Variants in PRELID2 observed in about 807,000 individuals in gnomAD.
The protein encoded by PRELID2 is PRELI domain containing 2.
In PRELID2, 25 loss-of-function variants were observed where a neutral mutation model predicts 28.4. That is an observed-to-expected ratio of 0.88 (90% CI 0.64 to 1.23). PRELID2 has a LOEUF of 1.23. Among genes scored for constraint, PRELID2 ranks in the 50% most tolerant of loss-of-function variants. The probability of loss-of-function intolerance (pLI) is 0.00; values close to 1 mark genes in which losing one functional copy is unlikely to be tolerated. For synonymous variants in PRELID2, 76 were observed against 71.6 expected, an observed-to-expected ratio of 1.06 and a Z score of -0.31; for missense variants, 201 against 214.4, an observed-to-expected ratio of 0.94 and a Z score of 0.39.
the PRELID2 span, among the ~76,000 whole-genome samples, chr5:145,406,759 T>G: frequency 6.6e-6 from 1 of 152,186 alleles, no homozygotes; most frequent in African/African-American, 2.4e-5. Flanking sequence ...TCATACAGTG[T>G]GAGAGGGGGT....
At chr5:145,679,810 A>AATAT (rs61046245) in intron 1 of PRELID2, among the ~76,000 whole-genome samples, 3 of 147,912 alleles carry the variant, frequency 2.0e-5, no homozygotes, top group Non-Finnish European at 4.5e-5. Context: ...AGTTAGAATA[A>AATAT]ATATATATAT....
At chr5:145,316,857 T>G in the PRELID2 span, among the ~76,000 whole-genome samples, 2 of 152,264 alleles carry the variant, frequency 1.3e-5, no homozygotes, top group Admixed American at 1.3e-4. Flanking sequence ...CATGTATATA[T>G]GCAAATGATG....
chr5:145,696,024 C>T (rs1581066989), intron 1 of PRELID2, among the ~76,000 whole-genome samples: 1 of 152,006 alleles, frequency 6.6e-6, no homozygotes, highest in Non-Finnish European at 1.5e-5. Context: ...TGTATGTGTG[C>T]ATATGTGTAT....
intron 4 of PRELID2, among the ~76,000 whole-genome samples, chr5:145,809,036 C>CTTTTTTT (rs372516210): frequency 3.8e-5 from 4 of 105,832 alleles, no homozygotes; most frequent in Admixed American, 9.5e-5. Context: ...TTTTTTTTTG[C>CTTTTTTT]TTTTTTTTTT....
At chr5:145,781,376 A>G (rs1751576304) in intron 5 of PRELID2, among the ~76,000 whole-genome samples, 1 of 152,094 alleles carries the variant, frequency 6.6e-6, no homozygotes, top group African/African-American at 2.4e-5. Context: ...CCCTCAGCTG[A>G]TATGTCTGAA....
At chr5:145,256,583 G>A in the PRELID2 span, among the ~76,000 whole-genome samples, 1 of 151,882 alleles carries the variant, frequency 6.6e-6, no homozygotes, top group Admixed American at 6.6e-5. Context: ...TCTCTTTGTG[G>A]GAGGGGACAT....
chr5:145,693,952 G>C (rs79702892), intron 1 of PRELID2, among the ~76,000 whole-genome samples: 3,918 of 152,216 alleles, frequency 0.026, 183 homozygotes, highest in African/African-American at 0.089. Flanking sequence ...CAAAAATCAT[G>C]ATTATGAGCA....
At chr5:145,377,146 C>T in the PRELID2 span, among the ~76,000 whole-genome samples, 1 of 152,072 alleles carries the variant, frequency 6.6e-6, no homozygotes, top group Non-Finnish European at 1.5e-5. Context: ...TCATTATTTA[C>T]CTAAAAGTCA....
At chr5:145,615,441 C>G (rs1753683298) in intron 1 of PRELID2, among the ~76,000 whole-genome samples, 1 of 141,064 alleles carries the variant, frequency 7.1e-6, no homozygotes, top group Admixed American at 7.4e-5. Flanking sequence ...ATTCTCCTGC[C>G]TCAGCCTCCC....
the PRELID2 span, among the ~76,000 whole-genome samples, chr5:145,427,546 G>A: frequency 1.5e-3 from 234 of 152,272 alleles, 1 homozygote; most frequent in African/African-American, 5.5e-3. Context: ...AGAGAGATTC[G>A]CTTATTCAAT....
chr5:145,433,003 A>G, the PRELID2 span, among the ~76,000 whole-genome samples: 1 of 152,130 alleles, frequency 6.6e-6, no homozygotes, highest in Non-Finnish European at 1.5e-5. Context: ...GGTCAACTCC[A>G]TATCTTTATA....
At chr5:145,820,607 TTC>T (rs1017197461) in intron 2 of PRELID2, among the ~76,000 whole-genome samples, 6 of 152,268 alleles carry the variant, frequency 3.9e-5, no homozygotes, top group African/African-American at 1.4e-4. Flanking sequence ...TTAGCCACAT[TTC>T]TCTCTCATAA....
chr5:145,390,787 T>A, the PRELID2 span, among the ~76,000 whole-genome samples: 1 of 152,112 alleles, frequency 6.6e-6, no homozygotes, highest in African/African-American at 2.4e-5. Context: ...CTTCCATCTA[T>A]GAGCCTATAA....
At chr5:145,624,142 G>A (rs186127854) in intron 1 of PRELID2, among the ~76,000 whole-genome samples, 47 of 152,270 alleles carry the variant, frequency 3.1e-4, no homozygotes, top group Non-Finnish European at 5.7e-4. Context: ...GCAATAGTGG[G>A]GAAGTGTGCT....
intron 5 of PRELID2, among the ~76,000 whole-genome samples, chr5:145,772,120 C>T (rs182513423): frequency 6.6e-6 from 1 of 152,140 alleles, no homozygotes; most frequent in Non-Finnish European, 1.5e-5. Flanking sequence ...CTAAAATAAA[C>T]AGTTAAAATT....
chr5:145,803,222 G>A (rs2149830119), intron 4 of PRELID2, among the ~76,000 whole-genome samples: 1 of 152,280 alleles, frequency 6.6e-6, no homozygotes, highest in South Asian at 2.1e-4. Context: ...TGCTGCTGCT[G>A]CAGAGACTTC....
the PRELID2 span, among the ~76,000 whole-genome samples, chr5:145,266,779 G>A: frequency 2.0e-5 from 3 of 152,054 alleles, no homozygotes; most frequent in Admixed American, 6.6e-5. Context: ...GCAAATATAT[G>A]GAACCAGCCC....
At chr5:145,708,145 G>C (rs989940001) in intron 1 of PRELID2, among the ~76,000 whole-genome samples, 1 of 152,030 alleles carries the variant, frequency 6.6e-6, no homozygotes, top group South Asian at 2.1e-4. Flanking sequence ...GAACAGGCCC[G>C]CTCTTCCCCT....
chr5:145,362,189 G>A, the PRELID2 span, among the ~76,000 whole-genome samples: 1 of 152,094 alleles, frequency 6.6e-6, no homozygotes, highest in African/African-American at 2.4e-5. Context: ...GCAAGGCTGG[G>A]AATTACCTCC....
Sources: allele counts gnomAD v4.1 joint callset (sites outside exome capture counted in the v4.1 genomes callset), GRCh38; gene constraint gnomAD v4.1.1; transcripts MANE v1.5; gene names NCBI Gene and HGNC (gene_info 2026-07-23, HGNC 2026-07-21).